SIL1: variants seen among roughly 807,000 people sequenced by gnomAD.
The protein encoded by SIL1 is SIL1 nucleotide exchange factor, also known as nucleotide exchange factor SIL1.
In SIL1, 40 loss-of-function variants were observed where a neutral mutation model predicts 49.1. The observed-to-expected ratio is 0.81, with a 90% CI of 0.63 to 1.06. SIL1 has a LOEUF of 1.06. Among genes scored for constraint, SIL1 ranks in the 50% least tolerant of loss-of-function variants. The probability of loss-of-function intolerance (pLI) is 0.00; values close to 1 mark genes in which losing one functional copy is unlikely to be tolerated. For synonymous variants in SIL1, 253 were observed against 250.8 expected (o/e 1.01, Z -0.08); for missense variants, 500 against 572.6 (o/e 0.87, Z 1.29).
chr5:138,977,862 C>T (rs1331395830), intron 7 of SIL1, among the ~76,000 whole-genome samples: 1 of 152,172 alleles, frequency 6.6e-6, no homozygotes, highest in Non-Finnish European at 1.5e-5. Context: ...CCAAGCTTGT[C>T]CCTACCTCAG....
At chr5:139,074,207 T>A (rs1361486766) in intron 3 of SIL1, among the ~76,000 whole-genome samples, 1 of 152,060 alleles carries the variant, frequency 6.6e-6, no homozygotes, top group Non-Finnish European at 1.5e-5. Flanking sequence ...CAAGCATGCA[T>A]CACCACACCC....
At chr5:139,006,903 A>G (rs1409498473) in intron 7 of SIL1, among the ~76,000 whole-genome samples, 1 of 148,270 alleles carries the variant, frequency 6.7e-6, no homozygotes, top group African/African-American at 2.5e-5. Flanking sequence ...TGATGCCTCC[A>G]GCTTTGTTCT....
intron 7 of SIL1, among the ~76,000 whole-genome samples, chr5:139,005,423 TTTTA>T (rs1197438821): frequency 1.9e-3 from 290 of 151,192 alleles, no homozygotes; most frequent in African/African-American, 3.9e-3. Context: ...TTTTTTAAAT[TTTTA>T]TTTATTTATT....
At chr5:138,976,714 G>A (rs369890205) in intron 7 of SIL1, among the ~76,000 whole-genome samples, 4 of 152,072 alleles carry the variant, frequency 2.6e-5, no homozygotes, top group Middle Eastern at 3.4e-3. Flanking sequence ...TTAGGAGTTC[G>A]TCTCTATAAC....
At chr5:139,192,074 C>CAAAAAAAAAAAAAAAAAA (rs10700186) in intron 1 of SIL1, among the ~76,000 whole-genome samples, 1 of 67,218 alleles carries the variant, frequency 1.5e-5, no homozygotes, top group African/African-American at 6.4e-5. Flanking sequence ...GATGCTGTCT[C>CAAAAAAAAAAAAAAAAAA]AAAAAAAAAA....
intron 7 of SIL1, among the ~76,000 whole-genome samples, chr5:138,953,791 T>A (rs946099635): frequency 6.6e-6 from 1 of 151,790 alleles, no homozygotes; most frequent in Non-Finnish European, 1.5e-5. Context: ...GACAGGAGGG[T>A]CCAGGAAGAG....
At chr5:139,025,492 G>A (rs114862333) in intron 6 of SIL1, among the ~76,000 whole-genome samples, 1,930 of 152,252 alleles carry the variant, frequency 0.013, 35 homozygotes, top group African/African-American at 0.043. Context: ...AGCAGTGCCT[G>A]GTATATGACA....
At chr5:139,056,499 T>TGG (rs1472330706) in intron 3 of SIL1, among the ~76,000 whole-genome samples, 1 of 128,916 alleles carries the variant, frequency 7.8e-6, no homozygotes, top group African/African-American at 3.1e-5. Flanking sequence ...GGGAGGGAGG[T>TGG]GGGGGTCAGC....
intron 1 of SIL1, among the ~76,000 whole-genome samples, chr5:139,167,486 TTAAAAAG>T (rs750390752): frequency 6.6e-6 from 1 of 152,190 alleles, no homozygotes; most frequent in Non-Finnish European, 1.5e-5. Flanking sequence ...CAAAAAAAGT[TTAAAAAG>T]TAAAATTAAA....
intron 7 of SIL1, among the ~76,000 whole-genome samples, chr5:138,998,992 G>A (rs1323039846): frequency 6.6e-6 from 1 of 151,630 alleles, no homozygotes; most frequent in East Asian, 1.9e-4. Flanking sequence ...GAGTAGCTGG[G>A]ATTACAGGTG....
intron 3 of SIL1, among the ~76,000 whole-genome samples, chr5:139,112,059 C>T (rs1378422934): frequency 6.6e-6 from 1 of 152,236 alleles, no homozygotes; most frequent in Non-Finnish European, 1.5e-5. Context: ...GTTGGCCGGG[C>T]TGGTCTCCAG....
intron 1 of SIL1, among the ~76,000 whole-genome samples, chr5:139,145,617 T>TGG (rs1183466131): frequency 6.8e-6 from 1 of 146,528 alleles, no homozygotes; most frequent in Non-Finnish European, 1.5e-5. Flanking sequence ...AATGTGGGTG[T>TGG]GGGTGTGGGG....
At chr5:139,043,518 A>G (rs1769090848) in intron 4 of SIL1, among the ~76,000 whole-genome samples, 1 of 152,228 alleles carries the variant, frequency 6.6e-6, no homozygotes, top group Non-Finnish European at 1.5e-5. Flanking sequence ...ATGAGCACAA[A>G]GGAGAGGCAG....
At chr5:139,161,369 G>A (rs899383304) in intron 1 of SIL1, among the ~76,000 whole-genome samples, 9 of 152,218 alleles carry the variant, frequency 5.9e-5, no homozygotes, top group African/African-American at 1.9e-4. Context: ...ATAGTGAAGA[G>A]TAGACAACAT....
chr5:138,950,174 C>T (rs964326603), intron 9 of SIL1, among the ~76,000 whole-genome samples: 1 of 152,210 alleles, frequency 6.6e-6, no homozygotes, highest in Non-Finnish European at 1.5e-5. Flanking sequence ...GAACAGAGCC[C>T]AGTTTCCCTG....
intron 3 of SIL1, among the ~76,000 whole-genome samples, chr5:139,076,653 G>A (rs1162302056): frequency 2.0e-5 from 3 of 152,160 alleles, no homozygotes; most frequent in African/African-American, 7.2e-5. Context: ...TAACAAGTGA[G>A]TAGACATAAA....
chr5:138,947,619 C>T lies in SIL1; in HGVS notation c.1030-146G>A. ...TGAGGGCCCACCTCTTCCTCTATCC[C>T]CAAGTCTGTCTGTCTATTCATTCAT... On this transcript the variant is annotated intron_variant, in intron 9 of 9. Coordinates refer to ENST00000394817, the MANE Select transcript of SIL1 (RefSeq NM_022464.5). The surrounding 1 kb of genome is among the most constrained non-coding windows in gnomAD (Gnocchi z 4.1). 1.4e-6 allele frequency: 1 copy of T among 690,866 alleles called. No homozygotes were observed. The highest frequency in any genetic ancestry group is 1.7e-5 in the South Asian group (1 of 59,200). 42.8% of individuals were successfully genotyped at this position (690,866 alleles called of 1,614,324 possible).
intron 7 of SIL1, among the ~76,000 whole-genome samples, chr5:139,002,127 C>T (rs547274453): frequency 2.0e-5 from 3 of 151,496 alleles, no homozygotes; most frequent in East Asian, 3.9e-4. Flanking sequence ...AAGAGGATTG[C>T]TTGAACCCAG....
In SIL1 at chr5:139,042,654, T is replaced by A; in HGVS notation, c.419A>T (p.Glu140Val). The A allele has an allele frequency of 6.2e-7, 1 of 1,614,156 alleles. No homozygotes were observed. The change falls in exon 5 of 10, where the codon GAG (glutamate) becomes GTG (valine). Residue 140 changes from glutamate (E) to valine (V), a missense_variant. Transcript: ENST00000394817. ...DLKSALAKFK[E>V]GAEMESSKED... is the part of the protein sequence containing the mutation. The stretch of plus-strand genomic sequence containing the variant: ...CTTTGAACTCTCCATCTCTGCCCCC[T>A]CCTTGAATTTTGCCAGTGCACTCTT...
Sources: gnomAD v4.1 joint callset for allele counts (sites outside exome capture counted in the v4.1 genomes callset) on GRCh38, gnomAD v4.1.1 for gene constraint, Gnocchi (gnomAD v3.1) non-coding constraint, MANE v1.5 for transcripts, NCBI Gene and HGNC (gene_info 2026-07-23, HGNC 2026-07-21) for gene names.